The following SMARCB1 variants were observed in gnomAD, a reference collection of about 807,000 sequenced individuals.
SMARCB1 encodes the protein SWI/SNF-related matrix-associated actin-dependent regulator of chromatin subfamily B member 1.
A neutral mutation model predicts 49.0 loss-of-function variants in SMARCB1; 5 were observed. The ratio of observed to expected loss-of-function variants is 0.10; its 90% CI spans 0.05 to 0.21. SMARCB1 has a LOEUF of 0.21. Among genes scored for constraint, SMARCB1 ranks in the 10% least tolerant of loss-of-function variants. The pLI is 1.00. For synonymous variants in SMARCB1, 201 were observed against 200.1 expected (o/e 1.00, Z -0.04); for missense variants, 226 against 509.2 (o/e 0.44, Z 5.35).
chr22:23,814,440 CAGATCACCTG>C (rs1016762284), intron 5 of SMARCB1, among the ~76,000 whole-genome samples: 2 of 152,114 alleles, frequency 1.3e-5, no homozygotes, highest in Admixed American at 1.3e-4. Context: ...CTGAGGTGGG[CAGATCACCTG>C]AGATCACGAG....
At chr22:23,820,701 T>TTTGTTTCCCATAAC (rs2030038918) in intron 6 of SMARCB1, among the ~76,000 whole-genome samples, 1 of 130,116 alleles carries the variant, frequency 7.7e-6, no homozygotes, top group African/African-American at 2.8e-5. Flanking sequence ...GGAATACAAA[T>TTTGTTTCCCATAAC]TTGTTTCAGT....
In SMARCB1 at chr22:23,800,998, C is replaced by G. The variant is rs201981746; in HGVS notation, c.417C>G (p.Ser139=). ...GGGTACCCACCCTGCCCAACAGCTC[C>G]CACCACTTAGATGCCGTGCCATGCT... ...SQWVPTLPNS[S]HHLDAVPCST... is the part of the protein sequence containing the mutation. The change falls in exon 4 of 9, where the codon TCC becomes TCG. Residue 139 remains serine, a synonymous_variant. Coordinates refer to ENST00000644036, the MANE Select transcript of SMARCB1 (RefSeq NM_003073.5). The G allele has an allele frequency of 6.2e-7, 1 of 1,614,156 alleles. No homozygotes were observed. The highest frequency in any genetic ancestry group is 8.5e-7 in the Non-Finnish European group (1 of 1,180,012).
chr22:23,821,542 A>AAATTTTCT (rs1477298823), intron 6 of SMARCB1, among the ~76,000 whole-genome samples: 2 of 151,824 alleles, frequency 1.3e-5, no homozygotes, highest in African/African-American at 4.8e-5. Context: ...GCTAATTTTT[A>AAATTTTCT]AATTTTCTGT....
At chr22:23,831,565 G>A (rs1038721769) in intron 7 of SMARCB1, among the ~76,000 whole-genome samples, 1 of 152,200 alleles carries the variant, frequency 6.6e-6, no homozygotes. Context: ...AGGCAGGCTA[G>A]TGCTGGCTCT....
At chr22:23,812,915 A>G (rs1178019141) in intron 5 of SMARCB1, among the ~76,000 whole-genome samples, 1 of 143,560 alleles carries the variant, frequency 7.0e-6, no homozygotes, top group Non-Finnish European at 1.5e-5. Flanking sequence ...TCTAGGCTGG[A>G]GTGCAGTGGC....
intron 5 of SMARCB1, among the ~76,000 whole-genome samples, chr22:23,806,564 G>A (rs995583501): frequency 2.6e-5 from 4 of 152,188 alleles, no homozygotes; most frequent in African/African-American, 4.8e-5. Flanking sequence ...ATCACAGAGG[G>A]ATTAAATATG....
In SMARCB1 at chr22:23,834,428, GGTTGT is replaced by G. The variant is rs749315154; in HGVS notation, c.*252_*256del. On this transcript the variant is annotated 3_prime_UTR_variant, in exon 9 of 9. Coordinates refer to ENST00000644036, the MANE Select transcript of SMARCB1 (RefSeq NM_003073.5). ...GGGGTCAGGAAGAAACCTTATTTTA[GGTTGT>G]GTTTTGTTTTTGTATAGGAGCCCCA... is the stretch of plus-strand genomic sequence containing the variant. 1 of 638,570 alleles carries G rather than the reference GGTTGT, an allele frequency of 1.6e-6. No homozygotes were observed. Among genetic ancestry groups the G allele is most frequent in the African/African-American group, 1.9e-5 (1 of 51,526 alleles). The allele number at this position is 638,570 out of a possible 1,614,324, so 39.6% of individuals were successfully genotyped here. A position where few individuals can be genotyped will look rare whatever the true frequency, so the allele number is the denominator to read the frequency against.
At position 23,834,712 on chromosome 22, in the gene SMARCB1, C is replaced by G; in HGVS notation, c.*532C>G. On this transcript the variant is annotated 3_prime_UTR_variant, in exon 9 of 9. Coordinates refer to ENST00000644036, the MANE Select transcript of SMARCB1 (RefSeq NM_003073.5). ...TAGCACCTCAGCTCCTCTCAGCTCCCCTCAGCCTGTTCTCCTTCCAGACCC... is the reference window on the plus strand; with the variant it reads ...TAGCACCTCAGCTCCTCTCAGCTCCGCTCAGCCTGTTCTCCTTCCAGACCC... 1.4e-6 allele frequency: 2 copies of G among 1,389,840 alleles called. No homozygotes were observed. Among genetic ancestry groups the G allele is most frequent in the Non-Finnish European group, 1.9e-6 (2 of 1,040,882 alleles). The allele number at this position is 1,389,840 out of a possible 1,614,324, so 86.1% of individuals were successfully genotyped here.
rs2145964352 is a variant in SMARCB1, at chr22:23,793,662, C to T, written c.336C>T (p.Ile112=). ...ATGAGAAGTACAAGGCTGTGTCCAT[C>T]AGCACAGAGCCCCCCACCTACCTCA... ...GNDEKYKAVS[I]STEPPTYLRE... is the part of the protein sequence containing the mutation. Residue 112 remains isoleucine, a synonymous_variant, in exon 3 of 9, where the codon ATC becomes ATT. Coordinates refer to ENST00000644036, the MANE Select transcript of SMARCB1 (RefSeq NM_003073.5). 6.2e-7 allele frequency: 1 copy of T among 1,614,128 alleles called. No homozygotes were observed. Among genetic ancestry groups the T allele is most frequent in the Non-Finnish European group, 8.5e-7 (1 of 1,179,972 alleles).
At chr22:23,795,764 ACTGCACTCATGTGTGCTGGAGGTGCTTT>A (rs1278098086) in intron 3 of SMARCB1, among the ~76,000 whole-genome samples, 1 of 150,812 alleles carries the variant, frequency 6.6e-6, no homozygotes, top group Admixed American at 6.6e-5. Flanking sequence ...GTGTGATAGA[ACTGCACTCATGTGTGCTGGAGGTGCTTT>A]TTTTTTTTTT....
chr22:23,808,262 A>T (rs1209736632), intron 5 of SMARCB1, among the ~76,000 whole-genome samples: 1 of 152,102 alleles, frequency 6.6e-6, no homozygotes. Flanking sequence ...CTGGGACTAC[A>T]GGTGCCCGCC....
intron 5 of SMARCB1, among the ~76,000 whole-genome samples, chr22:23,811,818 G>A (rs1484687601): frequency 5.3e-5 from 8 of 152,170 alleles, no homozygotes; most frequent in Admixed American, 5.2e-4. Flanking sequence ...GAAGCAGAAG[G>A]AAGGACATTT....
intron 5 of SMARCB1, chr22:23,815,499 A>G (rs1314655618): frequency 1.3e-5 from 2 of 151,436 alleles, no homozygotes; most frequent in Admixed American, 6.6e-5. Context: ...GCGCCACTGC[A>G]CTCCATCCTG....
rs1555880578 is a variant in SMARCB1, at chr22:23,825,309, G to A, written c.880G>A (p.Ala294Thr). Residue 294 changes from alanine to threonine, a missense_variant, in exon 7 of 9, where the codon GCC becomes ACC. Physicochemically the swap from Ala to Thr is moderately conservative, Grantham distance 58. Transcript: ENST00000644036. The part of the protein sequence containing the change: ...SEKENSPEKF[A>T]LKLCSELGLG... Reference sequence around the variant, plus strand: ...GAAGGAGAACTCACCAGAGAAGTTTGCCCTGAAGCTGTGCTCGGAGCTGGG... The same window carrying A: ...GAAGGAGAACTCACCAGAGAAGTTTACCCTGAAGCTGTGCTCGGAGCTGGG... The A allele has an allele frequency of 1.2e-6, 2 of 1,614,168 alleles. No homozygotes were observed. The highest frequency in any genetic ancestry group is 1.7e-6 in the Non-Finnish European group (2 of 1,179,980).
intron 7 of SMARCB1, among the ~76,000 whole-genome samples, chr22:23,832,143 G>GTGTGTGCTCACTGGTGTGGA (rs2030688448): frequency 6.6e-6 from 1 of 152,166 alleles, no homozygotes. Context: ...CTGGAGCTGG[G>GTGTGTGCTCACTGGTGTGGA]TGTGTGCTCA....
intron 5 of SMARCB1, among the ~76,000 whole-genome samples, chr22:23,814,368 A>G (rs1930052992): frequency 6.6e-6 from 1 of 152,220 alleles, no homozygotes; most frequent in Admixed American, 6.5e-5. Flanking sequence ...GAGCAATTAG[A>G]CAATCATAGG....
chr22:23,792,314 C>T, intron 2 of SMARCB1: 1 of 351,050 alleles, frequency 2.8e-6, no homozygotes, highest in Non-Finnish European at 5.6e-6. Flanking sequence ...TGGAGCACAT[C>T]CATCCCATAG....
In SMARCB1 at chr22:23,787,004, T is replaced by TGCGGCG. The variant is rs1003107265; in HGVS notation, c.-154_-149dup. The TGCGGCG allele has an allele frequency of 6.6e-5, 33 of 502,772 alleles. No individual in the cohort carries two copies. The highest frequency in any genetic ancestry group is 4.3e-4 in the African/African-American group (21 of 48,636). 31.1% of individuals were successfully genotyped at this position (502,772 alleles called of 1,614,324 possible). On this transcript the variant is annotated 5_prime_UTR_variant, in exon 1 of 9. Transcript: ENST00000644036. ...CACTGAGGGCGGCCTGGTCGTCGTC[T>TGCGGCG]GCGGCGGCGGCGGCGGCTGAGGAGC...
At chr22:23,817,248 G>T in intron 6 of SMARCB1, 1 of 519,086 alleles carries the variant, frequency 1.9e-6, no homozygotes. Context: ...AGTGCTCCAG[G>T]GGGGCCTAGT....
Sources: allele counts gnomAD v4.1 joint callset (sites outside exome capture counted in the v4.1 genomes callset), GRCh38; gene constraint gnomAD v4.1.1; transcripts MANE v1.5; gene names NCBI Gene and HGNC (gene_info 2026-07-23, HGNC 2026-07-21).